MAF: variants seen among roughly 807,000 people sequenced by gnomAD.
The protein encoded by MAF is transcription factor Maf.
MAF carries 10 observed loss-of-function variants against 22.0 expected under a neutral mutation model. That is an observed-to-expected ratio of 0.45 (90% confidence interval 0.28 to 0.77). The LOEUF is 0.77. Ranked by LOEUF, MAF falls within the 30% of genes least tolerant of loss-of-function variation. The pLI, the probability that MAF is intolerant of heterozygous loss-of-function variation, is 0.12. For missense variants in MAF, 544 were observed against 548.4 expected (o/e 0.99, Z 0.08); for synonymous variants, 337 against 255.8 (o/e 1.32, Z -3.03).
chr16:79,251,116 T>G, the MAF span, among the ~76,000 whole-genome samples: 1 of 152,158 alleles, frequency 6.6e-6, no homozygotes, highest in Middle Eastern at 3.4e-3. Flanking sequence ...CTCAGAAAGG[T>G]TAAGTGCTTA....
chr16:79,391,507 C>T, the MAF span, among the ~76,000 whole-genome samples: 68 of 152,142 alleles, frequency 4.5e-4, no homozygotes, highest in African/African-American at 1.6e-3. Flanking sequence ...AAAGAGTTGG[C>T]AGGAAATGGT....
the MAF span, among the ~76,000 whole-genome samples, chr16:79,446,508 T>C: frequency 2.0e-5 from 3 of 152,166 alleles, no homozygotes; most frequent in Non-Finnish European, 4.4e-5. Context: ...ATCTAACTTA[T>C]AGTGTTATGA....
the MAF span, among the ~76,000 whole-genome samples, chr16:79,499,415 C>T: frequency 3.2e-4 from 48 of 152,298 alleles, no homozygotes; most frequent in Non-Finnish European, 3.8e-4. Context: ...ACTGCAAAAG[C>T]CCATGGCATA....
the MAF span, among the ~76,000 whole-genome samples, chr16:79,405,579 C>G: frequency 1.3e-5 from 2 of 152,180 alleles, no homozygotes; most frequent in African/African-American, 4.8e-5. Flanking sequence ...CCGTTTATCC[C>G]TTCAATTCGC....
the MAF span, among the ~76,000 whole-genome samples, chr16:79,208,520 G>C: frequency 6.6e-6 from 1 of 152,152 alleles, no homozygotes; most frequent in South Asian, 2.1e-4. Context: ...TAACGGAGTT[G>C]TTAACATTAT....
At chr16:79,423,511 T>C in the MAF span, among the ~76,000 whole-genome samples, 14 of 152,098 alleles carry the variant, frequency 9.2e-5, no homozygotes, top group Admixed American at 2.0e-4. Context: ...ACCCCAGGAG[T>C]TGGTGAACTA....
At chr16:79,428,632 G>C in the MAF span, among the ~76,000 whole-genome samples, 1 of 151,970 alleles carries the variant, frequency 6.6e-6, no homozygotes, top group African/African-American at 2.4e-5. Context: ...TTGAGGCCAG[G>C]GTTTTGAGAC....
chr16:79,355,665 G>C, the MAF span, among the ~76,000 whole-genome samples: 1 of 152,134 alleles, frequency 6.6e-6, no homozygotes, highest in African/African-American at 2.4e-5. Context: ...CTAAACTAAA[G>C]TTGTTTCTAG....
At chr16:79,482,498 C>T in the MAF span, among the ~76,000 whole-genome samples, 1 of 152,160 alleles carries the variant, frequency 6.6e-6, no homozygotes, top group African/African-American at 2.4e-5. Context: ...ACACAGCCTG[C>T]CAGCTTCCTG....
the MAF span, among the ~76,000 whole-genome samples, chr16:79,341,171 G>C: frequency 6.6e-6 from 1 of 152,224 alleles, no homozygotes; most frequent in Non-Finnish European, 1.5e-5. Context: ...TCTGGGTCTT[G>C]TCAACAAGAT....
At chr16:79,415,348 C>CAGGG in the MAF span, among the ~76,000 whole-genome samples, 1 of 149,840 alleles carries the variant, frequency 6.7e-6, no homozygotes, top group East Asian at 2.0e-4. Context: ...GATGAACAGG[C>CAGGG]AGGCAGGCAG....
intron 1 of MAF, chr16:79,585,983 T>C (rs1912814764): frequency 3.0e-6 from 2 of 663,926 alleles, no homozygotes; most frequent in East Asian, 2.8e-5. Flanking sequence ...GGGTAATTAA[T>C]AACCACGAAG....
Position 79,596,508 on chromosome 16 carries a change from A to T in MAF, c.1119-1955T>A, listed in dbSNP as rs1056286799. The T allele has an allele frequency of 4.8e-6, 5 of 1,050,414 alleles. No homozygotes were observed. The African/African-American group carries it at 8.3e-5, about 17-fold the overall frequency. The allele number at this position is 1,050,414 out of a possible 1,614,324, so 65.1% of individuals were successfully genotyped here. On this transcript the variant is annotated intron_variant, in intron 1 of 1. Coordinates refer to ENST00000326043, the MANE Select transcript of MAF (RefSeq NM_005360.5). ...AAAAAAATGCCGTTTATTATTGTAG[A>T]TTATTCTTTTCTTGATATAACCAGA... is the stretch of plus-strand genomic sequence containing the variant.
chr16:79,206,925 C>A, the MAF span, among the ~76,000 whole-genome samples: 7 of 152,180 alleles, frequency 4.6e-5, no homozygotes, highest in East Asian at 1.9e-4. Flanking sequence ...GAACAAGTGG[C>A]CTTTTGGAGC....
chr16:79,579,847 G>C, the MAF span, among the ~76,000 whole-genome samples: 1 of 152,126 alleles, frequency 6.6e-6, no homozygotes, highest in East Asian at 1.9e-4. Context: ...ATGCTGAAGA[G>C]GATGGGAATA....
chr16:79,212,062 G>A, the MAF span: 1 of 1,536,418 alleles, frequency 6.5e-7, no homozygotes, highest in Non-Finnish European at 8.7e-7. Context: ...AAACCTGCTT[G>A]GTGTGTAGGT....
chr16:79,458,461 A>C, the MAF span, among the ~76,000 whole-genome samples: 2 of 152,162 alleles, frequency 1.3e-5, no homozygotes, highest in African/African-American at 2.4e-5. Flanking sequence ...TTGATTATTT[A>C]ACAGCATAGG....
the MAF span, among the ~76,000 whole-genome samples, chr16:79,209,756 C>T: frequency 6.6e-6 from 1 of 152,200 alleles, no homozygotes; most frequent in African/African-American, 2.4e-5. Flanking sequence ...TCTTTAGAGG[C>T]ACTTCTGCTT....
intron 1 of MAF, chr16:79,596,872 T>C: frequency 1.9e-6 from 2 of 1,050,342 alleles, no homozygotes; most frequent in Non-Finnish European, 2.3e-6. Flanking sequence ...ATTAGCGTTC[T>C]AAACAGTTTT....
Sources: allele counts gnomAD v4.1 joint callset (sites outside exome capture counted in the v4.1 genomes callset), GRCh38; gene constraint gnomAD v4.1.1; transcripts MANE v1.5; gene names NCBI Gene and HGNC (gene_info 2026-07-23, HGNC 2026-07-21).